Variants in ZNF804A observed in about 807,000 individuals in gnomAD.
ZNF804A encodes the protein zinc finger protein 804A.
ZNF804A carries 2 observed loss-of-function variants against 16.5 expected under a neutral mutation model. That is an observed-to-expected ratio of 0.12 (90% CI 0.05 to 0.38). ZNF804A has a LOEUF of 0.38. ZNF804A is among the 10% of genes least tolerant of loss of function. The probability of loss-of-function intolerance (pLI) is 0.99; values close to 1 mark genes in which losing one functional copy is unlikely to be tolerated. For missense variants in ZNF804A, 1,473 were observed against 1,390.7 expected, an observed-to-expected ratio of 1.06 and a Z score of -0.94; for synonymous variants, 534 against 489.6, an observed-to-expected ratio of 1.09 and a Z score of -1.20.
intron 1 of ZNF804A, among the ~76,000 whole-genome samples, chr2:184,703,919 A>G (rs887181189): frequency 2.6e-5 from 4 of 152,100 alleles, no homozygotes; most frequent in Non-Finnish European, 2.9e-5. Flanking sequence ...GAAGTTCAAC[A>G]TGATAAATCT....
At chr2:184,917,295 C>G (rs1685463424) in intron 2 of ZNF804A, among the ~76,000 whole-genome samples, 1 of 152,136 alleles carries the variant, frequency 6.6e-6, no homozygotes. Context: ...CCAAAAGATA[C>G]CAATCCCTTC....
At position 184,884,438 on chromosome 2, in the gene ZNF804A, GA is replaced by G. The variant is rs570020597; in HGVS notation, c.255+17934del. Among the ~76,000 whole-genome samples the G allele has an allele frequency of 2.1e-3, 316 of 151,262 alleles. 1 individual carries two copies. Among genetic ancestry groups the G allele is most frequent in the African/African-American group, 7.3e-3 (301 of 41,252 alleles). On this transcript the variant is annotated intron_variant, in intron 2 of 3. Coordinates refer to ENST00000302277, the MANE Select transcript of ZNF804A (RefSeq NM_194250.2). ...ACCAATGATAGTCTTCATAGAATTA[GA>G]AAAAAAACTACTATAAAATTCATAT...
intron 1 of ZNF804A, among the ~76,000 whole-genome samples, chr2:184,826,070 G>T (rs1195604291): frequency 6.8e-6 from 1 of 146,190 alleles, no homozygotes; most frequent in Non-Finnish European, 1.5e-5. Context: ...ATTTTTAGTA[G>T]AGACAGGGTT....
chr2:184,715,018 T>A (rs1693191353), intron 1 of ZNF804A, among the ~76,000 whole-genome samples: 2 of 152,128 alleles, frequency 1.3e-5, no homozygotes, highest in Admixed American at 1.3e-4. Flanking sequence ...TTAGCCTTCT[T>A]CCATATAAGG....
intron 1 of ZNF804A, among the ~76,000 whole-genome samples, chr2:184,704,726 G>T (rs1692994918): frequency 6.6e-6 from 1 of 152,160 alleles, no homozygotes; most frequent in Non-Finnish European, 1.5e-5. Context: ...GAGCCTGAGG[G>T]TAAGCTTATA....
At chr2:184,627,781 C>G (rs999584850) in intron 1 of ZNF804A, among the ~76,000 whole-genome samples, 6 of 152,128 alleles carry the variant, frequency 3.9e-5, no homozygotes, top group Non-Finnish European at 1.5e-5. Flanking sequence ...CTAAGAAGCT[C>G]TTCAAGTTAA....
chr2:184,756,185 T>C (rs1693956749), intron 1 of ZNF804A, among the ~76,000 whole-genome samples: 1 of 151,966 alleles, frequency 6.6e-6, no homozygotes, highest in Non-Finnish European at 1.5e-5. Context: ...ATTTTTTTTC[T>C]TTTTTGAAGG....
At position 184,652,468 on chromosome 2, in the gene ZNF804A, T is replaced by A. The variant is rs188468546; in HGVS notation, c.111+53398T>A. On this transcript the variant is annotated intron_variant, in intron 1 of 3. Transcript: ENST00000302277. ...AAAATAAAAATAAGGTAAAATTGTATTTAAATATTTTAAATGAAAAATATG... is the reference window on the plus strand; with the variant it reads ...AAAATAAAAATAAGGTAAAATTGTAATTAAATATTTTAAATGAAAAATATG... Among the ~76,000 whole-genome samples the A allele has an allele frequency of 6.6e-5, 10 of 152,298 alleles. No individual in the cohort carries two copies. In the East Asian group the frequency reaches 1.7e-3, roughly 26 times the overall value.
rs898774645 is a variant in ZNF804A, at chr2:184,651,842, G to A, written c.111+52772G>A. Among the ~76,000 whole-genome samples the A allele has an allele frequency of 3.3e-5, 5 of 152,058 alleles. No homozygotes were observed. The South Asian group carries it at 1.0e-3, about 32-fold the overall frequency. On this transcript the variant is annotated intron_variant, in intron 1 of 3. Coordinates refer to ENST00000302277, the MANE Select transcript of ZNF804A (RefSeq NM_194250.2). The stretch of plus-strand genomic sequence containing the variant: ...AGGGAATGCTTATACACTGTTTGTG[G>A]GAATACAAATTATTTCAGCTTCTGT...
chr2:184,830,077 C>T (rs964262355), intron 1 of ZNF804A, among the ~76,000 whole-genome samples: 17 of 150,416 alleles, frequency 1.1e-4, no homozygotes, highest in Non-Finnish European at 1.8e-4. Context: ...GCCTGGGTGC[C>T]AGGGCAAGAC....
intron 1 of ZNF804A, among the ~76,000 whole-genome samples, chr2:184,743,798 A>G (rs1182377058): frequency 6.6e-6 from 1 of 151,916 alleles, no homozygotes; most frequent in East Asian, 1.9e-4. Flanking sequence ...GATTTAATTT[A>G]TAACAGAATA....
chr2:184,669,359 G>C (rs2105711328), intron 1 of ZNF804A, among the ~76,000 whole-genome samples: 1 of 152,082 alleles, frequency 6.6e-6, no homozygotes, highest in East Asian at 1.9e-4. Context: ...CTGATTGTAG[G>C]TTCTGAAAGA....
intron 2 of ZNF804A, among the ~76,000 whole-genome samples, chr2:184,904,202 GATAAA>G (rs1685233270): frequency 6.6e-6 from 1 of 151,782 alleles, no homozygotes; most frequent in African/African-American, 2.4e-5. Context: ...ACAAAATACT[GATAAA>G]ATAAATCAAA....
intron 1 of ZNF804A, among the ~76,000 whole-genome samples, chr2:184,730,930 AT>A (rs1325295351): frequency 6.6e-6 from 1 of 151,502 alleles, no homozygotes; most frequent in Non-Finnish European, 1.5e-5. Flanking sequence ...TTATAGGATT[AT>A]GTTTACTTTG....
At chr2:184,777,072 C>G (rs1407166557) in intron 1 of ZNF804A, among the ~76,000 whole-genome samples, 1 of 151,432 alleles carries the variant, frequency 6.6e-6, no homozygotes, top group African/African-American at 2.4e-5. Context: ...CCAGCACACC[C>G]TCAGAAAATT....
chr2:184,599,520 T>C (rs1243530486), intron 1 of ZNF804A, among the ~76,000 whole-genome samples: 3 of 152,172 alleles, frequency 2.0e-5, no homozygotes, highest in Non-Finnish European at 4.4e-5. Flanking sequence ...AGTGATGGTC[T>C]CAGAAAGAGT....
chr2:184,662,585 T>C (rs1415146918), intron 1 of ZNF804A, among the ~76,000 whole-genome samples: 1 of 152,190 alleles, frequency 6.6e-6, no homozygotes, highest in Admixed American at 6.5e-5. Flanking sequence ...TTCAGGAAAA[T>C]ATTAGAAATT....
intron 1 of ZNF804A, among the ~76,000 whole-genome samples, chr2:184,606,620 G>A (rs2105668396): frequency 6.6e-6 from 1 of 152,284 alleles, no homozygotes; most frequent in South Asian, 2.1e-4. Flanking sequence ...TTTAAGTAAA[G>A]GAGATTACTC....
intron 1 of ZNF804A, among the ~76,000 whole-genome samples, chr2:184,727,562 A>G (rs1693433507): frequency 6.6e-6 from 1 of 151,636 alleles, no homozygotes; most frequent in Non-Finnish European, 1.5e-5. Flanking sequence ...CTGTTTGTGT[A>G]TATCTTATAA....
Sources: allele counts gnomAD v4.1 joint callset (sites outside exome capture counted in the v4.1 genomes callset), GRCh38; gene constraint gnomAD v4.1.1; transcripts MANE v1.5; gene names NCBI Gene and HGNC (gene_info 2026-07-23, HGNC 2026-07-21).